ZNF98: variants seen among roughly 807,000 people sequenced by gnomAD.
ZNF98 encodes the protein zinc finger protein 739.
ZNF98 carries 8 observed loss-of-function variants against 12.8 expected under a neutral mutation model. The observed-to-expected ratio is 0.63, with a 90% CI of 0.37 to 1.13. The LOEUF (loss-of-function observed/expected upper bound fraction) is 1.13, where lower values mean the gene tolerates loss of function less well. Among genes scored for constraint, ZNF98 ranks in the 50% most tolerant of loss-of-function variants. ZNF98 has a pLI of 0.01. For missense variants in ZNF98, 379 were observed against 666.1 expected (o/e 0.57, Z 4.74); for synonymous variants, 112 against 223.5 (o/e 0.50, Z 4.45).
At position 22,405,269 on chromosome 19, in the gene ZNF98, T is replaced by TA. The variant is rs71180544; in HGVS notation, c.31-1758dup. 5.5e-3 allele frequency among the ~76,000 whole-genome samples: 682 copies of TA among 123,580 alleles called. 6 individuals carry two copies. Among genetic ancestry groups the TA allele is most frequent in the South Asian group, 0.019 (66 of 3,528 alleles). The allele number at this position is 123,580 out of a possible 152,430, so 81.1% of individuals were successfully genotyped here. On this transcript the variant is annotated intron_variant, in intron 1 of 3. Transcript: ENST00000357774. ...GCTCTTCATCTGAGACATGCTTAGC[T>TA]AAAAAAAAAAAAAAAAAAAATTAGG...
chr19:22,406,409 A>G (rs1969519560), intron 1 of ZNF98, among the ~76,000 whole-genome samples: 1 of 152,184 alleles, frequency 6.6e-6, no homozygotes, highest in Non-Finnish European at 1.5e-5. Flanking sequence ...CTGAAAAAAA[A>G]CAAACAGAAA....
At chr19:22,411,624 G>C (rs1969581431) in intron 1 of ZNF98, among the ~76,000 whole-genome samples, 1 of 152,138 alleles carries the variant, frequency 6.6e-6, no homozygotes, top group African/African-American at 2.4e-5. Flanking sequence ...CAAAAAGAAT[G>C]ATAAAAGGTT....
At chr19:22,419,726 T>C (rs1160231077) in intron 1 of ZNF98, among the ~76,000 whole-genome samples, 1 of 152,148 alleles carries the variant, frequency 6.6e-6, no homozygotes, top group African/African-American at 2.4e-5. Flanking sequence ...TAGTAAACAA[T>C]TAGTCATATG....
chr19:22,414,127 C>G (rs866372828), intron 1 of ZNF98, among the ~76,000 whole-genome samples: 1 of 147,148 alleles, frequency 6.8e-6, no homozygotes, highest in African/African-American at 2.5e-5. Flanking sequence ...CTCAGCTACT[C>G]GGGAAGCTGA....
chr19:22,396,604 C>A (rs1969397106), intron 3 of ZNF98, among the ~76,000 whole-genome samples: 1 of 151,764 alleles, frequency 6.6e-6, no homozygotes, highest in Non-Finnish European at 1.5e-5. Context: ...TTTTAAAAAC[C>A]AAGATCCAAC....
intron 3 of ZNF98, among the ~76,000 whole-genome samples, chr19:22,402,175 CAAAAAAAAAA>C (rs869111485): frequency 1.7e-5 from 1 of 60,512 alleles, no homozygotes; most frequent in Non-Finnish European, 3.0e-5. Context: ...GACTCCATCT[CAAAAAAAAAA>C]AAAAAAAAAA....
At chr19:22,416,286 C>T (rs574367122) in intron 1 of ZNF98, among the ~76,000 whole-genome samples, 11 of 151,000 alleles carry the variant, frequency 7.3e-5, no homozygotes, top group South Asian at 2.1e-4. Context: ...TGGGCTAACA[C>T]GGTGAAACCC....
chr19:22,414,528 G>A (rs900287092), intron 1 of ZNF98, among the ~76,000 whole-genome samples: 8 of 152,048 alleles, frequency 5.3e-5, no homozygotes, highest in African/African-American at 1.7e-4. Flanking sequence ...CATGGTACTG[G>A]TACAAAAACA....
At chr19:22,405,838 C>A (rs1969513058) in intron 1 of ZNF98, among the ~76,000 whole-genome samples, 2 of 152,272 alleles carry the variant, frequency 1.3e-5, no homozygotes, top group East Asian at 3.9e-4. Context: ...CACAGCCCAA[C>A]ACACCGGCTG....
At chr19:22,406,337 A>T (rs1480459800) in intron 1 of ZNF98, among the ~76,000 whole-genome samples, 1 of 152,044 alleles carries the variant, frequency 6.6e-6, no homozygotes. Flanking sequence ...GAACCACGTA[A>T]ATAGGGCCTG....
At chr19:22,418,414 G>C (rs938597687) in intron 1 of ZNF98, among the ~76,000 whole-genome samples, 4 of 152,190 alleles carry the variant, frequency 2.6e-5, no homozygotes, top group Non-Finnish European at 5.9e-5. Context: ...GAAGCACATA[G>C]ATAATCCTGG....
intron 3 of ZNF98, among the ~76,000 whole-genome samples, chr19:22,395,178 GAAA>G (rs71180538): frequency 1.0e-4 from 10 of 99,874 alleles, no homozygotes; most frequent in African/African-American, 3.9e-4. Flanking sequence ...GTTTCAAAAA[GAAA>G]AAAAAAAAAA....
chr19:22,399,695 T>A (rs1454725557), intron 3 of ZNF98, among the ~76,000 whole-genome samples: 8 of 152,070 alleles, frequency 5.3e-5, no homozygotes, highest in Admixed American at 5.2e-4. Context: ...CTAAAACTAC[T>A]GACAAAATTG....
At chr19:22,410,789 T>C (rs1969572508) in intron 1 of ZNF98, among the ~76,000 whole-genome samples, 1 of 152,122 alleles carries the variant, frequency 6.6e-6, no homozygotes, top group Admixed American at 6.6e-5. Flanking sequence ...ATGGAAAGGG[T>C]CCATGAGTGG....
In ZNF98 at chr19:22,404,791, A is replaced by G. The variant is rs114987621; in HGVS notation, c.31-1279T>C. ...TTCTTTCACACCCTAAAGAGCAAGT[A>G]TCTCCTAATAATTTTTTTTTCAAAA... On this transcript the variant is annotated intron_variant, in intron 1 of 3. Transcript: ENST00000357774. Among the ~76,000 whole-genome samples the G allele has an allele frequency of 1.9e-3, 288 of 152,302 alleles. 1 individual carries two copies. The highest frequency in any genetic ancestry group is 6.6e-3 in the African/African-American group (276 of 41,564).
chr19:22,417,348 C>T (rs1444374301), intron 1 of ZNF98, among the ~76,000 whole-genome samples: 2 of 151,114 alleles, frequency 1.3e-5, no homozygotes, highest in Non-Finnish European at 2.9e-5. Context: ...CAAAGAGGAT[C>T]AGAAAAAGTA....
chr19:22,407,709 C>A, intron 1 of ZNF98, among the ~76,000 whole-genome samples: 1 of 149,020 alleles, frequency 6.7e-6, no homozygotes, highest in South Asian at 2.1e-4. Context: ...GAGACTCTGT[C>A]TCAAAAAAAT....
chr19:22,422,315 C>G lies in ZNF98; in HGVS notation c.-91G>C. 2 of 1,517,334 alleles carry G rather than the reference C, an allele frequency of 1.3e-6. No individual in the cohort carries two copies. The highest frequency in any genetic ancestry group is 1.8e-6 in the Non-Finnish European group (2 of 1,096,916). 94.0% of individuals were successfully genotyped at this position (1,517,334 alleles called of 1,614,324 possible). A position where few individuals can be genotyped will look rare whatever the true frequency, so the allele number is the denominator to read the frequency against. On this transcript the variant is annotated 5_prime_UTR_variant, in exon 1 of 4. Transcript: ENST00000357774. ...GGACACAGAAGGGCGAAGACGAGACCAGGAACTCCGGCTGCAGCGAGAGAC... is the reference window on the plus strand; with the variant it reads ...GGACACAGAAGGGCGAAGACGAGACGAGGAACTCCGGCTGCAGCGAGAGAC...
intron 1 of ZNF98, among the ~76,000 whole-genome samples, chr19:22,421,846 C>A (rs562686753): frequency 5.3e-5 from 8 of 152,270 alleles, no homozygotes; most frequent in Non-Finnish European, 1.0e-4. Flanking sequence ...TCTTTCCATT[C>A]ATGAACCCTC....
Sources: allele counts gnomAD v4.1 joint callset (sites outside exome capture counted in the v4.1 genomes callset), GRCh38; gene constraint gnomAD v4.1.1; transcripts MANE v1.5; gene names NCBI Gene and HGNC (gene_info 2026-07-23, HGNC 2026-07-21).